MAP4K4: variants seen among roughly 807,000 people sequenced by gnomAD.
MAP4K4 encodes the protein HPK/GCK-like kinase HGK.
A neutral mutation model predicts 189.6 loss-of-function variants in MAP4K4; 38 were observed. That is an observed-to-expected ratio of 0.20 (90% CI 0.15 to 0.26). MAP4K4 has a LOEUF of 0.26. Among genes scored for constraint, MAP4K4 ranks in the 10% least tolerant of loss-of-function variants. MAP4K4 has a pLI of 1.00. For synonymous variants in MAP4K4, 610 were observed against 624.3 expected, an observed-to-expected ratio of 0.98 and a Z score of 0.34; for missense variants, 1,054 against 1,726.9, an observed-to-expected ratio of 0.61 and a Z score of 6.91.
chr2:101,888,374 T>G (rs890090599), intron 31 of MAP4K4, among the ~76,000 whole-genome samples: 1 of 152,206 alleles, frequency 6.6e-6, no homozygotes, highest in Non-Finnish European at 1.5e-5. Context: ...TTGCATTCAG[T>G]AATAAAGACC....
chr2:101,786,446 A>G (rs973470451), intron 2 of MAP4K4, among the ~76,000 whole-genome samples: 3 of 152,200 alleles, frequency 2.0e-5, no homozygotes, highest in Non-Finnish European at 4.4e-5. Flanking sequence ...AAGACTAAAA[A>G]TGAACCAGAA....
intron 3 of MAP4K4, among the ~76,000 whole-genome samples, chr2:101,809,518 CTG>C: frequency 6.6e-6 from 1 of 152,092 alleles, no homozygotes; most frequent in East Asian, 1.9e-4. Flanking sequence ...ATAAATAAAA[CTG>C]AAGTTAGGGA....
chr2:101,875,190 A>G (rs1017411598), intron 26 of MAP4K4, among the ~76,000 whole-genome samples: 6 of 152,244 alleles, frequency 3.9e-5, no homozygotes, highest in South Asian at 2.1e-4. Flanking sequence ...TTTTAGATCA[A>G]CTTGCCTAGA....
intron 2 of MAP4K4, among the ~76,000 whole-genome samples, chr2:101,768,036 T>G (rs1018385885): frequency 6.6e-6 from 1 of 152,232 alleles, no homozygotes; most frequent in African/African-American, 2.4e-5. Context: ...CAGATTTTCT[T>G]TATTTTTTCT....
intron 2 of MAP4K4, among the ~76,000 whole-genome samples, chr2:101,714,079 G>A (rs2047122865): frequency 6.6e-6 from 1 of 152,160 alleles, no homozygotes; most frequent in African/African-American, 2.4e-5. Context: ...AATCCAGAGA[G>A]CATTGCTTCA....
chr2:101,764,423 G>C (rs2077722267), intron 2 of MAP4K4, among the ~76,000 whole-genome samples: 1 of 152,104 alleles, frequency 6.6e-6, no homozygotes, highest in South Asian at 2.1e-4. Context: ...AATTCCCATT[G>C]GTAAAATTAA....
intron 2 of MAP4K4, among the ~76,000 whole-genome samples, chr2:101,781,775 A>G (rs939916352): frequency 6.6e-6 from 1 of 152,100 alleles, no homozygotes; most frequent in African/African-American, 2.4e-5. Context: ...TCATGACCGG[A>G]TTTCTTCTCT....
chr2:101,748,378 G>A (rs2149899624), intron 2 of MAP4K4, among the ~76,000 whole-genome samples: 1 of 152,328 alleles, frequency 6.6e-6, no homozygotes, highest in South Asian at 2.1e-4. Context: ...CAAAACAACA[G>A]CTTCTACTGT....
chr2:101,755,958 T>G (rs1574970075), intron 2 of MAP4K4, among the ~76,000 whole-genome samples: 3 of 106,468 alleles, frequency 2.8e-5, no homozygotes, highest in African/African-American at 9.9e-5. Flanking sequence ...TTTTTTTTTT[T>G]GAGACAGCGT....
At chr2:101,700,039 A>T (rs958152467) in intron 2 of MAP4K4, among the ~76,000 whole-genome samples, 5 of 152,216 alleles carry the variant, frequency 3.3e-5, no homozygotes, top group African/African-American at 1.2e-4. Flanking sequence ...TTTCTCGCCA[A>T]ATTAAATGGT....
At chr2:101,817,916 C>CT (rs2095819744) in intron 3 of MAP4K4, among the ~76,000 whole-genome samples, 1 of 152,072 alleles carries the variant, frequency 6.6e-6, no homozygotes, top group South Asian at 2.1e-4. Flanking sequence ...TTTTAAGGAA[C>CT]ATGTAATTTC....
intron 12 of MAP4K4, among the ~76,000 whole-genome samples, chr2:101,853,411 C>G (rs2097347815): frequency 6.6e-6 from 1 of 152,126 alleles, no homozygotes. Flanking sequence ...AACAAGAATA[C>G]TCAGAAATTA....
chr2:101,707,943 C>T (rs560301943), intron 2 of MAP4K4, among the ~76,000 whole-genome samples: 74 of 151,608 alleles, frequency 4.9e-4, no homozygotes, highest in African/African-American at 1.7e-3. Context: ...CCTGGTGATC[C>T]GCCCACCTCG....
intron 2 of MAP4K4, among the ~76,000 whole-genome samples, chr2:101,753,944 T>C (rs912103855): frequency 1.3e-5 from 2 of 152,068 alleles, no homozygotes; most frequent in Non-Finnish European, 2.9e-5. Context: ...TCCAGAAGGG[T>C]GGACAGCTAG....
At chr2:101,874,363 C>G (rs1244011620) in intron 26 of MAP4K4, 111 bp downstream of exon 26, 6 of 920,456 alleles carry the variant, frequency 6.5e-6, no homozygotes, top group Middle Eastern at 2.9e-4. Flanking sequence ...TGGAAGACTT[C>G]TATGATGTCC....
At chr2:101,867,532 G>A (rs959779915) in intron 20 of MAP4K4, 11 of 499,224 alleles carry the variant, frequency 2.2e-5, no homozygotes, top group Non-Finnish European at 3.2e-5. Flanking sequence ...TTTTTCTGTT[G>A]TTCCAGCCAT....
chr2:101,879,513 C>A (rs763365599), intron 27 of MAP4K4, among the ~76,000 whole-genome samples: 3 of 152,066 alleles, frequency 2.0e-5, no homozygotes, highest in Non-Finnish European at 4.4e-5. Context: ...TCTTTTTCTT[C>A]TCTTAACATA....
In MAP4K4 at chr2:101,698,171, G is replaced by GGCAGCC. The variant is rs1553477840; in HGVS notation, c.57+35_57+36insCAGCCG. On this transcript the variant is annotated intron_variant, in intron 1 of 32. Transcript: ENST00000324219. ...GCCCGCGAGCGGGCGCGCGGGGAGC[G>GGCAGCC]GGCAGCCGGCAGCCGGCAGCCGGGG... The GGCAGCC allele has an allele frequency of 2.4e-5, 23 of 959,414 alleles. No homozygotes were observed. The East Asian group carries it at 1.8e-3, about 77-fold the overall frequency. The allele number at this position is 959,414 out of a possible 1,614,324, so 59.4% of individuals were successfully genotyped here. A position where few individuals can be genotyped will look rare whatever the true frequency, so the allele number is the denominator to read the frequency against.
At chr2:101,775,456 G>C (rs534984887) in intron 2 of MAP4K4, among the ~76,000 whole-genome samples, 2 of 152,024 alleles carry the variant, frequency 1.3e-5, no homozygotes, top group South Asian at 4.2e-4. Flanking sequence ...AGGTTTGAAG[G>C]TTGTACCTCC....
Sources: gnomAD v4.1 joint callset for allele counts (sites outside exome capture counted in the v4.1 genomes callset) on GRCh38, gnomAD v4.1.1 for gene constraint, MANE v1.5 for transcripts, NCBI Gene and HGNC (gene_info 2026-07-23, HGNC 2026-07-21) for gene names.